The following EDDM13 variants were observed in gnomAD, a reference collection of about 807,000 sequenced individuals.
The protein encoded by EDDM13 is epididymal protein 13.
In EDDM13, 24 loss-of-function variants were observed where a neutral mutation model predicts 17.8. The observed-to-expected ratio is 1.35, with a 90% CI of 0.98 to 1.90. The LOEUF (loss-of-function observed/expected upper bound fraction) is 1.90. EDDM13 is among the 40% of genes most tolerant of loss of function. EDDM13 has a pLI of 0.00. For synonymous variants in EDDM13, 31 were observed against 37.5 expected (o/e 0.83, Z 0.63); for missense variants, 97 against 100.8 (o/e 0.96, Z 0.16).
chr19:56,298,863 A>C (rs552475580), intron 12 of EDDM13, among the ~76,000 whole-genome samples: 1 of 152,340 alleles, frequency 6.6e-6, no homozygotes, highest in South Asian at 2.1e-4. Flanking sequence ...AATAACCTTG[A>C]TAAAAGATCT....
At chr19:56,297,266 T>A (rs1019726096) in intron 11 of EDDM13, among the ~76,000 whole-genome samples, 1 of 152,066 alleles carries the variant, frequency 6.6e-6, no homozygotes, top group African/African-American at 2.4e-5. Context: ...TCTTCTCTCC[T>A]CATTCGAGGC....
intron 12 of EDDM13, among the ~76,000 whole-genome samples, chr19:56,299,012 C>T (rs2040059233): frequency 6.6e-6 from 1 of 152,032 alleles, no homozygotes; most frequent in South Asian, 2.1e-4. Flanking sequence ...TCCAGCAATG[C>T]GACAATGGTT....
At chr19:56,291,640 G>C (rs1600204251) in intron 9 of EDDM13, among the ~76,000 whole-genome samples, 2 of 152,042 alleles carry the variant, frequency 1.3e-5, no homozygotes, top group East Asian at 3.9e-4. Flanking sequence ...AAACCTAAGA[G>C]TCTTGTTTCA....
chr19:56,278,820 G>T (rs991131802), intron 2 of EDDM13, among the ~76,000 whole-genome samples: 2 of 152,140 alleles, frequency 1.3e-5, no homozygotes, highest in East Asian at 1.9e-4. Context: ...GGAGTACCTG[G>T]AGTTCTGACA....
At chr19:56,288,618 T>C (rs1218644686) in intron 7 of EDDM13, among the ~76,000 whole-genome samples, 180 bp downstream of exon 7, 1 of 152,196 alleles carries the variant, frequency 6.6e-6, no homozygotes, top group Non-Finnish European at 1.5e-5. Context: ...CTCCATACCT[T>C]GCGTGATGCC....
intron 12 of EDDM13, among the ~76,000 whole-genome samples, chr19:56,300,455 T>C (rs2040152874): frequency 6.6e-6 from 1 of 152,196 alleles, no homozygotes; most frequent in Non-Finnish European, 1.5e-5. Context: ...AGGAGGTAGA[T>C]TTGCTACTTG....
chr19:56,285,376 T>G (rs1341750359), intron 6 of EDDM13, among the ~76,000 whole-genome samples: 1 of 152,218 alleles, frequency 6.6e-6, no homozygotes, highest in Non-Finnish European at 1.5e-5. Flanking sequence ...CTCACGTGTA[T>G]TCTCCCCAGA....
intron 4 of EDDM13, chr19:56,282,938 T>C (rs952304659): frequency 6.6e-6 from 1 of 152,264 alleles, no homozygotes; most frequent in Non-Finnish European, 1.5e-5. Context: ...AATGAGACCA[T>C]GGCTTTGTCA....
intron 1 of EDDM13, chr19:56,274,387 G>A (rs1042766320): frequency 6.6e-6 from 1 of 151,754 alleles, no homozygotes; most frequent in Non-Finnish European, 1.5e-5. Context: ...TCAGGAGGTG[G>A]AGGTTGCAGT....
chr19:56,308,904 G>C (rs913125937), intron 14 of EDDM13, among the ~76,000 whole-genome samples: 3 of 152,158 alleles, frequency 2.0e-5, no homozygotes, highest in Non-Finnish European at 2.9e-5. Context: ...TTCATATAAA[G>C]GTGTGCTTTC....
At chr19:56,303,537 G>A (rs1252427776) in intron 13 of EDDM13, among the ~76,000 whole-genome samples, 1 of 151,778 alleles carries the variant, frequency 6.6e-6, no homozygotes. Context: ...AGGGAGGCAA[G>A]ACGGAAGGGA....
intron 2 of EDDM13, among the ~76,000 whole-genome samples, chr19:56,278,325 G>C (rs904707491): frequency 1.3e-5 from 2 of 152,154 alleles, no homozygotes; most frequent in Non-Finnish European, 2.9e-5. Flanking sequence ...GGAGAGACAA[G>C]GTTTCACCAT....
chr19:56,276,435 G>T (rs1019882248), intron 2 of EDDM13, among the ~76,000 whole-genome samples: 6 of 151,338 alleles, frequency 4.0e-5, no homozygotes, highest in Admixed American at 2.0e-4. Flanking sequence ...AACACCAGCT[G>T]GTGGTTTGCA....
intron 12 of EDDM13, among the ~76,000 whole-genome samples, chr19:56,300,409 T>C (rs1217617137): frequency 6.6e-6 from 1 of 152,184 alleles, no homozygotes; most frequent in Non-Finnish European, 1.5e-5. Context: ...ATTGGCTTAA[T>C]CCAAGGGAAA....
At chr19:56,303,699 T>C in intron 13 of EDDM13, among the ~76,000 whole-genome samples, 1 of 151,964 alleles carries the variant, frequency 6.6e-6, no homozygotes, top group Non-Finnish European at 1.5e-5. Context: ...CTCCCATGTT[T>C]GGGATAGCAG....
intron 11 of EDDM13, among the ~76,000 whole-genome samples, chr19:56,297,272 G>A (rs1350341121): frequency 1.3e-5 from 2 of 151,982 alleles, no homozygotes; most frequent in East Asian, 1.9e-4. Context: ...CTCCTCATTC[G>A]AGGCACCTGG....
rs551260920 is a variant in EDDM13, at chr19:56,288,457, C to T, written c.208+19C>T. Among the ~76,000 whole-genome samples the T allele has an allele frequency of 2.6e-5, 4 of 152,318 alleles. No individual in the cohort carries two copies. The East Asian group carries it at 7.7e-4, about 29-fold the overall frequency. On this transcript the variant is annotated intron_variant, in intron 7 of 14. Transcript: ENST00000649256. ...CCGCAAGGTTAGCAACCATCACCCCCTTATAGGTTCCCATGGAACCCAGCA... is the reference window on the plus strand; with the variant it reads ...CCGCAAGGTTAGCAACCATCACCCCTTTATAGGTTCCCATGGAACCCAGCA...
At position 56,272,841 on chromosome 19, in the gene EDDM13, A is replaced by C. The variant is rs1446381933; in HGVS notation, c.7A>C (p.Arg3=). The C allele has an allele frequency of 1.0e-6, 1 of 984,924 alleles. No individual in the cohort carries two copies. The highest frequency in any genetic ancestry group is 1.7e-5 in the African/African-American group (1 of 57,210). The allele number at this position is 984,924 out of a possible 1,614,324, so 61.0% of individuals were successfully genotyped here. MH[R]SEPFLKMSLL... ...CCCAAATCCCAGCCCCATCATGCAC[A>C]GATCAGAGCCATTTCTGAAAATGTC... is the stretch of plus-strand genomic sequence containing the variant. The change falls in exon 1 of 15, where the codon AGA becomes CGA. Residue 3 remains arginine (R), a synonymous_variant. Coordinates refer to ENST00000649256, the MANE Select transcript of EDDM13 (RefSeq NM_001354658.2).
intron 9 of EDDM13, among the ~76,000 whole-genome samples, chr19:56,292,365 C>G (rs1054040937): frequency 6.6e-6 from 1 of 152,058 alleles, no homozygotes; most frequent in Non-Finnish European, 1.5e-5. Flanking sequence ...TGGGCTCAAG[C>G]GATCCTTCTT....
Sources: gnomAD v4.1 joint callset for allele counts (sites outside exome capture counted in the v4.1 genomes callset) on GRCh38, gnomAD v4.1.1 for gene constraint, MANE v1.5 for transcripts, NCBI Gene and HGNC (gene_info 2026-07-23, HGNC 2026-07-21) for gene names.